The following DNAJC14 variants were observed in gnomAD, a reference collection of about 807,000 sequenced individuals.
DNAJC14 encodes dnaJ homolog subfamily C member 14.
Under a neutral mutation model 68.8 loss-of-function variants are expected in DNAJC14, and 12 were observed. The ratio of observed to expected loss-of-function variants is 0.17; its 90% confidence interval spans 0.11 to 0.28. The LOEUF (loss-of-function observed/expected upper bound fraction) is 0.28, where lower values mean the gene tolerates loss of function less well. Ranked by LOEUF, DNAJC14 falls within the 10% of genes least tolerant of loss-of-function variation. The pLI is 1.00. For missense variants in DNAJC14, 764 were observed against 875.6 expected, an observed-to-expected ratio of 0.87 and a Z score of 1.61; for synonymous variants, 350 against 321.5, an observed-to-expected ratio of 1.09 and a Z score of -0.95.
intron 1 of DNAJC14, among the ~76,000 whole-genome samples, chr12:55,828,922 T>G (rs1880883727): frequency 6.6e-6 from 1 of 152,204 alleles, no homozygotes; most frequent in African/African-American, 2.4e-5. Context: ...CTTAAGTTTT[T>G]CTTCTTTCCC....
In DNAJC14 at chr12:55,829,489, C is replaced by G; in HGVS notation, c.-57G>C. ...AAAAAAAAAAAAAAGACGGACGTACCGAAGAACGGCGGTAACTCCTCCCCC... is the reference window on the plus strand; with the variant it reads ...AAAAAAAAAAAAAAGACGGACGTACGGAAGAACGGCGGTAACTCCTCCCCC... On this transcript the variant is annotated splice_region_variant and 5_prime_UTR_variant, in exon 1 of 7. Transcript: ENST00000678005. The G allele has an allele frequency of 1.0e-6, 1 of 985,132 alleles. No homozygotes were observed. The highest frequency in any genetic ancestry group is 1.2e-6 in the Non-Finnish European group (1 of 829,844). The allele number at this position is 985,132 out of a possible 1,614,324, so 61.0% of individuals were successfully genotyped here. A position where few individuals can be genotyped will look rare whatever the true frequency, so the allele number is the denominator to read the frequency against.
chr12:55,825,168 C>CCTACTAA (rs985471467), intron 2 of DNAJC14, among the ~76,000 whole-genome samples: 4 of 151,058 alleles, frequency 2.6e-5, no homozygotes, highest in African/African-American at 9.7e-5. Flanking sequence ...TACCAAGCTA[C>CCTACTAA]CTACTAAGGG....
In DNAJC14 at chr12:55,822,190, G is replaced by A. The variant is rs765199123; in HGVS notation, c.1899-3C>T. 3.2e-6 allele frequency: 5 copies of A among 1,576,550 alleles called. No individual in the cohort carries two copies. Among genetic ancestry groups the A allele is most frequent in the South Asian group, 1.2e-5 (1 of 85,542 alleles). ...CAGGAGGGGCATCTGGGGTGGCTCT[G>A]AGGTAAAACAGAAGAAATAAGGCAA... On this transcript the variant is annotated splice_polypyrimidine_tract_variant and splice_region_variant and intron_variant, in intron 6 of 6. Transcript: ENST00000678005.
At chr12:55,823,333 G>T in intron 3 of DNAJC14, 69 bp downstream of exon 3, 1 of 1,599,476 alleles carries the variant, frequency 6.3e-7, no homozygotes, top group Non-Finnish European at 8.6e-7. Flanking sequence ...CCACCCCCAA[G>T]TCCAGATGCC....
chr12:55,830,470 C>A (rs540875668), upstream of DNAJC14: 6 of 152,418 alleles, frequency 3.9e-5, no homozygotes, highest in African/African-American at 1.4e-4. Flanking sequence ...CATGAACCCC[C>A]AGTTGGCGCT....
upstream of DNAJC14, chr12:55,830,324 A>C (rs1482916734): frequency 6.6e-6 from 1 of 152,214 alleles, no homozygotes; most frequent in Non-Finnish European, 1.5e-5. Context: ...TCTCATCTGC[A>C]TACCAAGCTA....
At chr12:55,825,634 C>T (rs1361940750) in intron 2 of DNAJC14, among the ~76,000 whole-genome samples, 1 of 148,278 alleles carries the variant, frequency 6.7e-6, no homozygotes, top group East Asian at 2.0e-4. Flanking sequence ...AGCTCTGCCT[C>T]CCAGGTTTAC....
At chr12:55,825,853 C>G (rs896836884) in intron 2 of DNAJC14, among the ~76,000 whole-genome samples, 1 of 152,066 alleles carries the variant, frequency 6.6e-6, no homozygotes, top group Non-Finnish European at 1.5e-5. Context: ...CCTGCACACC[C>G]TCTTATCAAT....
chr12:55,828,690 C>T lies in DNAJC14; in HGVS notation c.-32G>A, dbSNP rs951004289. 3 of 1,591,756 alleles carry T rather than the reference C, an allele frequency of 1.9e-6. No homozygotes were observed. In the African/African-American group the frequency reaches 4.0e-5, roughly 21 times the overall value. ...GGGGCTTCCTGAGGGTCTTAGGTCA[C>T]AGCCATCATGGTGTGTTCTGATGCC... On this transcript the variant is annotated 5_prime_UTR_variant, in exon 2 of 7. It adds an upstream start codon to the 5' untranslated region. Transcript: ENST00000678005.
At chr12:55,823,271 C>CT (rs1880716560) in intron 3 of DNAJC14, 82 bp from the exon 4 acceptor site, 5 of 1,603,282 alleles carry the variant, frequency 3.1e-6, no homozygotes, top group Non-Finnish European at 4.3e-6. Flanking sequence ...CTTGAGGCCC[C>CT]TGTCTAGCGA....
upstream of DNAJC14, chr12:55,829,750 C>T: frequency 3.1e-6 from 1 of 321,250 alleles, no homozygotes; most frequent in Non-Finnish European, 4.5e-6. Context: ...TAAGGAAGTA[C>T]TGGCCCCGCC....
intron 2 of DNAJC14, 70 bp downstream of exon 2, chr12:55,827,182 C>T (rs1352102438): frequency 3.9e-5 from 52 of 1,324,280 alleles, no homozygotes; most frequent in Non-Finnish European, 4.6e-5. Context: ...CAGAGCGAGA[C>T]TACATCTCAA....
rs1156375364 is a variant in DNAJC14, at chr12:55,827,823, A to G, written c.836T>C (p.Leu279Pro). 1 of 1,614,028 alleles carries G rather than the reference A, an allele frequency of 6.2e-7. No homozygotes were observed. Among genetic ancestry groups the G allele is most frequent in the Admixed American group, 1.7e-5 (1 of 60,004 alleles). ...AAAAAGGTCCAAATCACTGCTTTTC[A>G]GTTGCCTGCAGGCATAGATGAGATG... The part of the protein sequence containing the change: ...CGHLIYACRQ[L>P]KSSDLDLFRV... Residue 279 changes from leucine (L) to proline (P), a missense_variant, in exon 2 of 7, where the codon CTG becomes CCG. By Grantham distance (98) the Leu-to-Pro change is moderately conservative. Coordinates refer to ENST00000678005, the MANE Select transcript of DNAJC14 (RefSeq NM_032364.6).
rs576912858 is a variant in DNAJC14 at position 55,821,090 on chromosome 12, G to A, written c.*887C>T. ...AAAAATACAAACCCTTGGATCACAT[G>A]GGGGCTTCTGGGAACCCCCGTATTC... is the stretch of plus-strand genomic sequence containing the variant. On this transcript the variant is annotated 3_prime_UTR_variant, in exon 7 of 7. Coordinates refer to ENST00000678005, the MANE Select transcript of DNAJC14 (RefSeq NM_032364.6). 1.3e-5 allele frequency: 2 copies of A among 152,698 alleles called. No homozygotes were observed. The highest frequency in any genetic ancestry group is 1.9e-4 in the East Asian group (1 of 5,192). 9.5% of individuals were successfully genotyped at this position (152,698 alleles called of 1,614,324 possible).
At position 55,821,897 on chromosome 12, in the gene DNAJC14, G is replaced by A; in HGVS notation, c.*80C>T. 2.9e-6 allele frequency: 4 copies of A among 1,386,128 alleles called. No homozygotes were observed. Among genetic ancestry groups the A allele is most frequent in the African/African-American group, 2.9e-5 (2 of 68,688 alleles). The allele number at this position is 1,386,128 out of a possible 1,614,324, so 85.9% of individuals were successfully genotyped here. On this transcript the variant is annotated 3_prime_UTR_variant, in exon 7 of 7. Coordinates refer to ENST00000678005, the MANE Select transcript of DNAJC14 (RefSeq NM_032364.6). ...AAGATTCAGTTCCTAGGTGTTGGGG[G>A]AGGAGGGATAAATCAAACTCCATCC... is the stretch of plus-strand genomic sequence containing the variant.
At chr12:55,823,529 C>A in intron 2 of DNAJC14, 21 bp from the exon 3 acceptor site, 1 of 1,601,068 alleles carries the variant, frequency 6.2e-7, no homozygotes, top group Non-Finnish European at 8.6e-7. Flanking sequence ...AGAGAGATTT[C>A]ATTACAAATC....
chr12:55,828,433 C>G lies in DNAJC14; in HGVS notation c.226G>C (p.Gly76Arg). 6.2e-7 allele frequency: 1 copy of G among 1,614,070 alleles called. No individual in the cohort carries two copies. The highest frequency in any genetic ancestry group is 8.5e-7 in the Non-Finnish European group (1 of 1,179,968). The change falls in exon 2 of 7, where the codon GGC becomes CGC. Residue 76 changes from glycine (G) to arginine (R), a missense_variant. Physicochemically the swap from Gly to Arg is moderately radical, Grantham distance 125. Coordinates refer to ENST00000678005, the MANE Select transcript of DNAJC14 (RefSeq NM_032364.6). ...NPAHWLDPSH[G>R]PPGGPGPPRD... ...GGTGGTCCTGGACCCCCTGGGGGGC[C>G]ATGGCTTGGGTCCAACCAATGGGCT...
intron 2 of DNAJC14, among the ~76,000 whole-genome samples, chr12:55,824,423 T>C (rs1180473692): frequency 6.6e-6 from 1 of 152,182 alleles, no homozygotes; most frequent in Non-Finnish European, 1.5e-5. Flanking sequence ...TATCCTCTCT[T>C]CCTACAGCTT....
At position 55,824,397 on chromosome 12, in the gene DNAJC14, T is replaced by C. The variant is rs1334087604; in HGVS notation, c.1408-889A>G. ...AGACTTTATGTACTTTTCAGCCTTC[T>C]CTCCAAGACAAGTAATATCCTCTCT... is the stretch of plus-strand genomic sequence containing the variant. On this transcript the variant is annotated intron_variant, in intron 2 of 6. Transcript: ENST00000678005. Among the ~76,000 whole-genome samples, 3 of 152,304 alleles carry C rather than the reference T, an allele frequency of 2.0e-5. No homozygotes were observed. In the East Asian group the frequency reaches 5.8e-4, roughly 29 times the overall value.
Sources: allele counts gnomAD v4.1 joint callset (sites outside exome capture counted in the v4.1 genomes callset), GRCh38; gene constraint gnomAD v4.1.1; transcripts MANE v1.5; gene names NCBI Gene and HGNC (gene_info 2026-07-23, HGNC 2026-07-21).